The following CAST variants were observed in gnomAD, a reference collection of about 807,000 sequenced individuals.
CAST encodes MIR583 host.
In CAST, 76 loss-of-function variants were observed where a neutral mutation model predicts 119.6. That is an observed-to-expected ratio of 0.64 (90% CI 0.53 to 0.77). CAST has a LOEUF of 0.77. Ranked by LOEUF, CAST falls within the 30% of genes least tolerant of loss-of-function variation. CAST has a pLI of 0.00. For missense variants in CAST, 953 were observed against 946.5 expected (o/e 1.01, Z -0.09); for synonymous variants, 319 against 331.6 (o/e 0.96, Z 0.41).
the CAST span, among the ~76,000 whole-genome samples, chr5:96,335,217 A>G: frequency 2.0e-5 from 3 of 152,082 alleles, no homozygotes; most frequent in Non-Finnish European, 2.9e-5. Context: ...ATTTCATCCA[A>G]ACATCTTTAA....
At chr5:96,446,316 A>G in the CAST span, among the ~76,000 whole-genome samples, 1 of 152,280 alleles carries the variant, frequency 6.6e-6, no homozygotes, top group South Asian at 2.1e-4. Flanking sequence ...TTTTTTCATA[A>G]CCATGTATTA....
the CAST span, among the ~76,000 whole-genome samples, chr5:96,076,087 A>G: frequency 6.6e-6 from 1 of 152,236 alleles, no homozygotes; most frequent in South Asian, 2.1e-4. Context: ...TTCCTGGACA[A>G]CCACGCCCTA....
At chr5:96,260,327 C>T in the CAST span, among the ~76,000 whole-genome samples, 2 of 152,168 alleles carry the variant, frequency 1.3e-5, no homozygotes, top group Non-Finnish European at 2.9e-5. Context: ...GCTGTTGGAA[C>T]AAAGACTTCT....
intron 1 of CAST, among the ~76,000 whole-genome samples, chr5:96,536,854 G>A (rs554861273): frequency 6.6e-6 from 1 of 152,256 alleles, no homozygotes; most frequent in East Asian, 1.9e-4. Flanking sequence ...TAGAAAGAAG[G>A]AAGCAAGTAA....
At position 96,757,631 on chromosome 5, in the gene CAST, G is replaced by T; in HGVS notation, c.1810G>T (p.Gly604Cys). ...LLDALSEDFS[G>C]PQNASSLKFE... ...GGATGCTTTGTCTGAGGACTTCTCT[G>T]GTCCACAAAATGCTTCATCTCTTGT... The change falls in exon 24 of 32, where the codon GGT becomes TGT. Residue 604 changes from glycine to cysteine, a missense_variant. Transcript: ENST00000675179. The T allele has an allele frequency of 6.2e-7, 1 of 1,612,738 alleles. No individual in the cohort carries two copies. The highest frequency in any genetic ancestry group is 8.5e-7 in the Non-Finnish European group (1 of 1,179,110).
intron 2 of CAST, among the ~76,000 whole-genome samples, chr5:96,681,505 G>A (rs1474719230): frequency 4.0e-5 from 6 of 151,742 alleles, no homozygotes; most frequent in Non-Finnish European, 7.4e-5. Flanking sequence ...AGGCCGAGGC[G>A]GGCGGATCAC....
At chr5:96,423,769 G>A in the CAST span, among the ~76,000 whole-genome samples, 1 of 152,062 alleles carries the variant, frequency 6.6e-6, no homozygotes, top group African/African-American at 2.4e-5. Flanking sequence ...ATAATAACAT[G>A]CTCAACCCTT....
At chr5:96,739,493 A>G (rs930582635) in intron 11 of CAST, among the ~76,000 whole-genome samples, 3 of 152,262 alleles carry the variant, frequency 2.0e-5, no homozygotes, top group Admixed American at 2.0e-4. Flanking sequence ...ACATTGGAAA[A>G]TATGCAAAGT....
the CAST span, among the ~76,000 whole-genome samples, chr5:96,065,636 A>G: frequency 2.6e-5 from 4 of 152,154 alleles, no homozygotes; most frequent in Non-Finnish European, 5.9e-5. Flanking sequence ...AAAAGACACC[A>G]CAATCTAGAA....
At chr5:96,159,115 A>G in the CAST span, among the ~76,000 whole-genome samples, 1 of 152,220 alleles carries the variant, frequency 6.6e-6, no homozygotes, top group Non-Finnish European at 1.5e-5. Flanking sequence ...TAAGTCATAA[A>G]ATTCCACTGT....
chr5:96,684,949 T>C (rs1751898268), intron 2 of CAST, among the ~76,000 whole-genome samples: 1 of 147,750 alleles, frequency 6.8e-6, no homozygotes, highest in South Asian at 2.2e-4. Flanking sequence ...ATAATGTGCC[T>C]TTAAATTAAG....
At chr5:96,191,672 C>T in the CAST span, among the ~76,000 whole-genome samples, 3 of 152,186 alleles carry the variant, frequency 2.0e-5, no homozygotes, top group East Asian at 5.8e-4. Context: ...CAGGTTCAAG[C>T]GACTCTTCTC....
intron 29 of CAST, 190 bp from the exon 30 acceptor site, chr5:96,770,341 T>C (rs1771812077): frequency 1.8e-6 from 1 of 546,958 alleles, no homozygotes; most frequent in Non-Finnish European, 3.3e-6. Context: ...TTTCTATCCT[T>C]TTTCCCTCCT....
the CAST span, among the ~76,000 whole-genome samples, chr5:95,974,509 T>C: frequency 1.9e-4 from 29 of 152,214 alleles, no homozygotes; most frequent in African/African-American, 6.8e-4. Context: ...AAGATACTTG[T>C]GTTATGAATT....
At chr5:95,998,422 C>T in the CAST span, among the ~76,000 whole-genome samples, 2 of 152,074 alleles carry the variant, frequency 1.3e-5, no homozygotes, top group Admixed American at 6.6e-5. Context: ...CTTCATCCCA[C>T]CTTTTGTAGA....
the CAST span, among the ~76,000 whole-genome samples, chr5:96,442,892 T>C: frequency 2.0e-5 from 3 of 152,214 alleles, no homozygotes; most frequent in East Asian, 1.9e-4. Context: ...TCCTTCTTTA[T>C]TATTGTCATC....
chr5:96,671,837 C>G (rs534571223), intron 1 of CAST, among the ~76,000 whole-genome samples: 1 of 152,340 alleles, frequency 6.6e-6, no homozygotes, highest in South Asian at 2.1e-4. Context: ...CCTGCAGATT[C>G]CTGAGCTGGA....
the CAST span, among the ~76,000 whole-genome samples, chr5:96,153,810 T>C: frequency 2.0e-5 from 3 of 152,198 alleles, no homozygotes; most frequent in Non-Finnish European, 4.4e-5. Context: ...TTCAGGTACA[T>C]AGTCTCTGAC....
chr5:96,241,239 A>G, the CAST span, among the ~76,000 whole-genome samples: 1 of 123,346 alleles, frequency 8.1e-6, no homozygotes. Flanking sequence ...CAGTCCCCAG[A>G]GTGTGATGTT....
Sources: gnomAD v4.1 joint callset for allele counts (sites outside exome capture counted in the v4.1 genomes callset) on GRCh38, gnomAD v4.1.1 for gene constraint, MANE v1.5 for transcripts, NCBI Gene and HGNC (gene_info 2026-07-23, HGNC 2026-07-21) for gene names.